CTNNA1: variants seen among roughly 807,000 people sequenced by gnomAD.
CTNNA1 encodes catenin alpha-1.
In CTNNA1, 37 loss-of-function variants were observed where a neutral mutation model predicts 98.4. That is an observed-to-expected ratio of 0.38 (90% CI 0.29 to 0.49). The LOEUF is 0.49. CTNNA1 is among the 20% of genes least tolerant of loss of function. The probability of loss-of-function intolerance (pLI) is 0.95; values close to 1 mark genes in which losing one functional copy is unlikely to be tolerated. For synonymous variants in CTNNA1, 404 were observed against 413.2 expected (o/e 0.98, Z 0.27); for missense variants, 761 against 1,147.2 (o/e 0.66, Z 4.86).
chr5:138,922,264 T>C (rs761392680), intron 11 of CTNNA1, among the ~76,000 whole-genome samples: 1 of 152,148 alleles, frequency 6.6e-6, no homozygotes, highest in Non-Finnish European at 1.5e-5. Context: ...GTCACAAATA[T>C]TTGCCAAAAT....
At chr5:138,830,930 CTT>C (rs1224113520) in intron 7 of CTNNA1, among the ~76,000 whole-genome samples, 1 of 152,056 alleles carries the variant, frequency 6.6e-6, no homozygotes, top group Non-Finnish European at 1.5e-5. Flanking sequence ...ATTTTGTAAT[CTT>C]TTGGTTAACT....
chr5:138,912,232 T>C (rs2150194031), intron 10 of CTNNA1, among the ~76,000 whole-genome samples: 1 of 152,202 alleles, frequency 6.6e-6, no homozygotes, highest in African/African-American at 2.4e-5. Flanking sequence ...CCCCGGAAGC[T>C]GACTGTGTCT....
chr5:138,819,431 C>T lies in CTNNA1; in HGVS notation c.589-5099C>T, dbSNP rs540236732. On this transcript the variant is annotated intron_variant, in intron 5 of 17. Transcript: ENST00000302763. ...GAATACTAGAGTTGTTTGGCCTGTACGGCGAATGTCTCTGCTCAGCCACTG... is the reference window on the plus strand; with the variant it reads ...GAATACTAGAGTTGTTTGGCCTGTATGGCGAATGTCTCTGCTCAGCCACTG... Among the ~76,000 whole-genome samples the T allele has an allele frequency of 8.5e-5, 13 of 152,318 alleles. No individual in the cohort carries two copies. In the East Asian group the frequency reaches 1.4e-3, roughly 16 times the overall value.
intron 5 of CTNNA1, among the ~76,000 whole-genome samples, chr5:138,817,057 T>C (rs2149751579): frequency 6.6e-6 from 1 of 152,346 alleles, no homozygotes; most frequent in South Asian, 2.1e-4. Flanking sequence ...GTTGTTTGAG[T>C]TGTTTGTATA....
At chr5:138,796,141 T>G (rs1288467076) in intron 3 of CTNNA1, among the ~76,000 whole-genome samples, 1 of 152,226 alleles carries the variant, frequency 6.6e-6, no homozygotes, top group Non-Finnish European at 1.5e-5. Context: ...ACTAAAGACT[T>G]CTCTTTAATA....
rs66895615 is a variant in CTNNA1, at chr5:138,913,583, C to CA, written c.1390-4143dup. ...TGGGCGATAGAGGGAGACCCTGTCTCAAAAAAAAAAAAAAAATTCAGTTGA... is the reference window on the plus strand; with the variant it reads ...TGGGCGATAGAGGGAGACCCTGTCTCAAAAAAAAAAAAAAAAATTCAGTTGA... On this transcript the variant is annotated intron_variant, in intron 10 of 17. Transcript: ENST00000302763. Among the ~76,000 whole-genome samples the CA allele has an allele frequency of 4.9e-3, 642 of 129,990 alleles. 1 individual carries two copies. Among genetic ancestry groups the CA allele is most frequent in the African/African-American group, 0.012 (442 of 36,716 alleles). The allele number at this position is 129,990 out of a possible 152,430, so 85.3% of individuals were successfully genotyped here.
chr5:138,776,677 A>AC (rs1236286223), intron 1 of CTNNA1, among the ~76,000 whole-genome samples: 21 of 143,104 alleles, frequency 1.5e-4, no homozygotes, highest in East Asian at 1.3e-3. Flanking sequence ...CGGGGGGCTG[A>AC]CCCCCCCACC....
intron 7 of CTNNA1, among the ~76,000 whole-genome samples, chr5:138,838,199 C>A (rs1761970500): frequency 6.6e-6 from 1 of 152,214 alleles, no homozygotes; most frequent in Non-Finnish European, 1.5e-5. Context: ...TGGCACCCAG[C>A]CCAACCAATT....
intron 7 of CTNNA1, among the ~76,000 whole-genome samples, chr5:138,840,216 T>C (rs1762157681): frequency 6.6e-6 from 1 of 152,228 alleles, no homozygotes; most frequent in Admixed American, 6.6e-5. Context: ...GGGATCTGGA[T>C]AGGTGGGGAC....
chr5:138,920,432 T>A (rs1053446834), intron 11 of CTNNA1, among the ~76,000 whole-genome samples: 4 of 152,252 alleles, frequency 2.6e-5, no homozygotes, highest in Non-Finnish European at 1.5e-5. Flanking sequence ...CATTTGCCAG[T>A]GTCCCCTGGC....
chr5:138,803,228 A>G (rs559000773), intron 3 of CTNNA1, among the ~76,000 whole-genome samples: 1 of 150,966 alleles, frequency 6.6e-6, no homozygotes, highest in Non-Finnish European at 1.5e-5. Flanking sequence ...ATCGTGGCTC[A>G]CTGCAACCTT....
chr5:138,775,436 CAG>C, intron 1 of CTNNA1, among the ~76,000 whole-genome samples: 1 of 152,298 alleles, frequency 6.6e-6, no homozygotes, highest in East Asian at 1.9e-4. Flanking sequence ...TTCAATGAAA[CAG>C]ATGACTGGGA....
chr5:138,783,198 A>AAT lies in CTNNA1; in HGVS notation c.129_130dup (p.Ser44IlefsTer52). The stretch of plus-strand genomic sequence containing the variant: ...TTAGGTTACAACCCTTGTAAACACC[A>AAT]ATAGTAAAGGGCCCTCTAATAAGAA... On this transcript the variant is annotated frameshift_variant, in exon 3 of 18. Transcript: ENST00000302763. LOFTEE classifies it high-confidence loss of function. 6.2e-7 allele frequency: 1 copy of AAT among 1,611,672 alleles called. No individual in the cohort carries two copies. Among genetic ancestry groups the AAT allele is most frequent in the Non-Finnish European group, 8.5e-7 (1 of 1,178,782 alleles).
intron 9 of CTNNA1, among the ~76,000 whole-genome samples, chr5:138,902,157 T>C (rs2150127325): frequency 6.6e-6 from 1 of 152,338 alleles, no homozygotes; most frequent in South Asian, 2.1e-4. Flanking sequence ...ACAGAAAAGA[T>C]GGTTTAACAG....
At chr5:138,908,671 C>T (rs1026377459) in intron 10 of CTNNA1, among the ~76,000 whole-genome samples, 3 of 152,120 alleles carry the variant, frequency 2.0e-5, no homozygotes, top group Non-Finnish European at 2.9e-5. Flanking sequence ...TTGACCCCTT[C>T]TCTAAATATA....
chr5:138,866,851 A>G (rs1032030635), intron 7 of CTNNA1, among the ~76,000 whole-genome samples: 7 of 152,184 alleles, frequency 4.6e-5, no homozygotes, highest in Non-Finnish European at 8.8e-5. Context: ...TGCAGTAGCT[A>G]TGACTTTCAC....
intron 1 of CTNNA1, among the ~76,000 whole-genome samples, chr5:138,771,031 C>T (rs749998312): frequency 2.0e-5 from 3 of 151,724 alleles, no homozygotes; most frequent in Non-Finnish European, 4.4e-5. Flanking sequence ...ATTGCCATTA[C>T]ACTGCTTAAT....
intron 7 of CTNNA1, among the ~76,000 whole-genome samples, chr5:138,843,132 G>T (rs550665299): frequency 1.3e-5 from 2 of 152,260 alleles, no homozygotes; most frequent in East Asian, 3.9e-4. Flanking sequence ...TTACATACAA[G>T]ATAATTCCTT....
intron 7 of CTNNA1, among the ~76,000 whole-genome samples, chr5:138,847,280 C>G (rs779129939): frequency 9.4e-6 from 1 of 105,824 alleles, no homozygotes; most frequent in African/African-American, 3.2e-5. Flanking sequence ...TGACAACATT[C>G]CTTTTTAAAG....
Sources: allele counts gnomAD v4.1 joint callset (sites outside exome capture counted in the v4.1 genomes callset), GRCh38; gene constraint gnomAD v4.1.1; transcripts MANE v1.5; gene names NCBI Gene and HGNC (gene_info 2026-07-23, HGNC 2026-07-21).